The following PTPRD variants were observed in gnomAD, a reference collection of about 807,000 sequenced individuals.
PTPRD encodes receptor-type tyrosine-protein phosphatase delta.
In PTPRD, 34 loss-of-function variants were observed where a neutral mutation model predicts 214.5. That is an observed-to-expected ratio of 0.16 (90% confidence interval 0.12 to 0.21). The LOEUF (loss-of-function observed/expected upper bound fraction) is 0.21. Among genes scored for constraint, PTPRD ranks in the 10% least tolerant of loss-of-function variants. The pLI is 1.00. For missense variants in PTPRD, 2,545 were observed against 2,398.7 expected, an observed-to-expected ratio of 1.06 and a Z score of -1.27; for synonymous variants, 1,128 against 845.7, an observed-to-expected ratio of 1.33 and a Z score of -5.79.
At chr9:10,109,766 C>T (rs2098673533) in intron 3 of PTPRD, among the ~76,000 whole-genome samples, 1 of 151,970 alleles carries the variant, frequency 6.6e-6, no homozygotes, top group Admixed American at 6.6e-5. Flanking sequence ...CCTCTAGGGT[C>T]CAATTTTCTG....
intron 7 of PTPRD, among the ~76,000 whole-genome samples, chr9:9,637,769 C>T (rs2095818677): frequency 6.6e-6 from 1 of 152,188 alleles, no homozygotes; most frequent in African/African-American, 2.4e-5. Flanking sequence ...TGTGGTAGCC[C>T]AGATCCCACA....
chr9:10,403,227 A>AATATATATATATATATATATATAT (rs58712564), intron 2 of PTPRD, among the ~76,000 whole-genome samples: 17 of 59,874 alleles, frequency 2.8e-4, no homozygotes, highest in Non-Finnish European at 4.2e-4. Context: ...TGTGTGTGTA[A>AATATATATATATATATATATATAT]ATATATATAT....
At chr9:10,509,504 A>ATCTATCTAC (rs545709937) in intron 2 of PTPRD, among the ~76,000 whole-genome samples, 1 of 55,660 alleles carries the variant, frequency 1.8e-5, no homozygotes, top group African/African-American at 6.6e-5. Flanking sequence ...TATCTATCTA[A>ATCTATCTAC]TGATCATTAT....
intron 8 of PTPRD, among the ~76,000 whole-genome samples, chr9:9,476,978 G>T (rs556165617): frequency 6.6e-6 from 1 of 151,954 alleles, no homozygotes; most frequent in Non-Finnish European, 1.5e-5. Context: ...CAGGTGATCC[G>T]CCTGCCTCAG....
At chr9:8,684,346 G>A (rs761257316) in intron 12 of PTPRD, among the ~76,000 whole-genome samples, 19 of 152,242 alleles carry the variant, frequency 1.2e-4, no homozygotes, top group South Asian at 1.0e-3. Context: ...TTTTACAAAT[G>A]AGCAATACTG....
chr9:10,286,545 C>A (rs906125518), intron 3 of PTPRD, among the ~76,000 whole-genome samples: 2 of 150,330 alleles, frequency 1.3e-5, no homozygotes, highest in Admixed American at 6.9e-5. Flanking sequence ...TAAGATTAAA[C>A]ACTATTGAAG....
At chr9:9,372,372 C>A (rs1478850613) in intron 9 of PTPRD, among the ~76,000 whole-genome samples, 4 of 152,040 alleles carry the variant, frequency 2.6e-5, no homozygotes, top group East Asian at 1.9e-4. Context: ...ATGTAATGGC[C>A]TTCTTTGTCT....
At chr9:8,511,887 T>C (rs898915911) in intron 21 of PTPRD, among the ~76,000 whole-genome samples, 5 of 152,088 alleles carry the variant, frequency 3.3e-5, no homozygotes, top group Non-Finnish European at 4.4e-5. Context: ...AATTACACTC[T>C]ATATAAATAT....
At chr9:9,966,670 G>C (rs185607643) in intron 4 of PTPRD, among the ~76,000 whole-genome samples, 23 of 152,228 alleles carry the variant, frequency 1.5e-4, no homozygotes, top group African/African-American at 5.5e-4. Flanking sequence ...GGGAGAAGTG[G>C]ATTTGGGGGA....
chr9:8,819,470 T>C (rs1329678344), intron 11 of PTPRD, among the ~76,000 whole-genome samples: 1 of 152,168 alleles, frequency 6.6e-6, no homozygotes, highest in Non-Finnish European at 1.5e-5. Context: ...AAGATCAGCC[T>C]GGCCAACATG....
intron 10 of PTPRD, among the ~76,000 whole-genome samples, chr9:9,090,126 A>G (rs1046930395): frequency 2.0e-5 from 3 of 152,144 alleles, no homozygotes; most frequent in African/African-American, 7.2e-5. Context: ...GTTGTTAACT[A>G]CAGTCACCTT....
intron 14 of PTPRD, among the ~76,000 whole-genome samples, chr9:8,585,004 T>C (rs996963805): frequency 6.6e-6 from 1 of 152,168 alleles, no homozygotes; most frequent in African/African-American, 2.4e-5. Flanking sequence ...ATGATTCAAT[T>C]ATCTCCCACT....
At chr9:10,364,469 C>A (rs377317122) in intron 2 of PTPRD, among the ~76,000 whole-genome samples, 1 of 152,172 alleles carries the variant, frequency 6.6e-6, no homozygotes, top group Non-Finnish European at 1.5e-5. Flanking sequence ...CAAAATTACA[C>A]TTGTAACCCA....
chr9:8,785,160 T>C (rs1452539316), intron 11 of PTPRD, among the ~76,000 whole-genome samples: 2 of 151,806 alleles, frequency 1.3e-5, no homozygotes, highest in Non-Finnish European at 2.9e-5. Flanking sequence ...TAGACACAAA[T>C]ATGTACAAGA....
At chr9:9,845,186 C>A (rs10978032) in intron 5 of PTPRD, among the ~76,000 whole-genome samples, 18 of 38,058 alleles carry the variant, frequency 4.7e-4, no homozygotes, top group South Asian at 1.4e-3. Context: ...ATATATTGCT[C>A]TATATATATA....
At chr9:8,518,916 C>A (rs1159578459) in intron 20 of PTPRD, among the ~76,000 whole-genome samples, 4 of 152,070 alleles carry the variant, frequency 2.6e-5, no homozygotes, top group African/African-American at 9.7e-5. Flanking sequence ...AAAAGCTTGG[C>A]CAATTAGCCC....
Position 10,336,745 on chromosome 9 carries a change from A to G in PTPRD, c.-545+4218T>C, listed in dbSNP as rs570691451. Reference sequence around the variant, plus strand: ...AAATAACAATCGGCAGAAACTATAAAGAGCTATATCTAAAACAAAATACTA... The same window carrying G: ...AAATAACAATCGGCAGAAACTATAAGGAGCTATATCTAAAACAAAATACTA... On this transcript the variant is annotated intron_variant, in intron 3 of 45. Transcript: ENST00000381196. Among the ~76,000 whole-genome samples the G allele has an allele frequency of 1.2e-4, 18 of 151,810 alleles. No individual in the cohort carries two copies. In the South Asian group the frequency reaches 2.9e-3, roughly 24 times the overall value.
At position 8,404,625 on chromosome 9, in the gene PTPRD, A is replaced by G. The variant is rs1358984940; in HGVS notation, c.4122T>C (p.His1374=). The change falls in exon 36 of 46, where the codon CAT becomes CAC. Residue 1374 remains histidine (H), a synonymous_variant. Transcript: ENST00000381196. The stretch of plus-strand genomic sequence containing the variant: ...TTGGTTTGTTTACTTCCAAGTTTGA[A>G]TGTTCCCAAGTGAACTGCTGGCCAG... ...IDPGQQFTWE[H]SNLEVNKPKN... 2 of 1,613,028 alleles carry G rather than the reference A, an allele frequency of 1.2e-6. No individual in the cohort carries two copies. The highest frequency in any genetic ancestry group is 1.7e-6 in the Non-Finnish European group (2 of 1,179,302).
intron 44 of PTPRD, among the ~76,000 whole-genome samples, chr9:8,329,659 T>G (rs1346895320): frequency 2.0e-5 from 3 of 152,068 alleles, no homozygotes; most frequent in African/African-American, 7.2e-5. Flanking sequence ...AGATGGGGGT[T>G]TTATCTGTAA....
Sources: allele counts gnomAD v4.1 joint callset (sites outside exome capture counted in the v4.1 genomes callset), GRCh38; gene constraint gnomAD v4.1.1; transcripts MANE v1.5; gene names NCBI Gene and HGNC (gene_info 2026-07-23, HGNC 2026-07-21).